IL5RA: variants seen among roughly 807,000 people sequenced by gnomAD.
The protein encoded by IL5RA is interleukin-5 receptor subunit alpha.
A neutral mutation model predicts 50.0 loss-of-function variants in IL5RA; 49 were observed. The observed-to-expected ratio is 0.98, with a 90% CI of 0.78 to 1.24. IL5RA has a LOEUF of 1.24. Among genes scored for constraint, IL5RA ranks in the 50% most tolerant of loss-of-function variants. The pLI is 0.00. For synonymous variants in IL5RA, 202 were observed against 174.0 expected, an observed-to-expected ratio of 1.16 and a Z score of -1.26; for missense variants, 600 against 500.4, an observed-to-expected ratio of 1.20 and a Z score of -1.90.
chr3:3,089,626 A>G (rs1208103327), intron 9 of IL5RA, among the ~76,000 whole-genome samples: 1 of 152,036 alleles, frequency 6.6e-6, no homozygotes, highest in Non-Finnish European at 1.5e-5. Context: ...CATAATCACA[A>G]AGGTTGGCTA....
rs79180298 is a variant in IL5RA, at chr3:3,085,936, A to T, written c.994+6288T>A. On this transcript the variant is annotated intron_variant, in intron 9 of 11. Coordinates refer to ENST00000446632, the MANE Select transcript of IL5RA (RefSeq NM_175726.4). Reference sequence around the variant, plus strand: ...TCTGCTGTGACCTCATGAATGAGTGATCTGAAAATTGCTGTGACCTCATGA... The same window carrying T: ...TCTGCTGTGACCTCATGAATGAGTGTTCTGAAAATTGCTGTGACCTCATGA... 2.0e-5 allele frequency among the ~76,000 whole-genome samples: 3 copies of T among 148,184 alleles called. No homozygotes were observed. The East Asian group carries it at 5.8e-4, about 29-fold the overall frequency.
At chr3:3,102,874 C>A in intron 3 of IL5RA, 54 bp from the exon 4 acceptor site, 2 of 1,501,334 alleles carry the variant, frequency 1.3e-6, no homozygotes, top group Non-Finnish European at 9.0e-7. Flanking sequence ...ACATAGGCAG[C>A]ACTTTTAAAA....
At chr3:3,087,643 G>GGGA (rs397772107) in intron 9 of IL5RA, among the ~76,000 whole-genome samples, 4 of 150,776 alleles carry the variant, frequency 2.7e-5, no homozygotes, top group Non-Finnish European at 4.4e-5. Context: ...TAATGGGGGG[G>GGGA]AAATTAATAA....
chr3:3,086,368 G>A (rs1264737304), intron 9 of IL5RA, among the ~76,000 whole-genome samples: 1 of 152,180 alleles, frequency 6.6e-6, no homozygotes, highest in Non-Finnish European at 1.5e-5. Flanking sequence ...GGAAACAAAA[G>A]GTTTCGATAA....
chr3:3,074,933 T>C, intron 10 of IL5RA, 67 bp from the exon 11 acceptor site: 9 of 968,384 alleles, frequency 9.3e-6, no homozygotes, highest in South Asian at 1.4e-5. Flanking sequence ...ATATCTACTC[T>C]AAAAATTGAC....
Position 3,092,266 on chromosome 3 carries a change from C to T in IL5RA, c.952G>A (p.Glu318Lys). 1 of 1,614,142 alleles carries T rather than the reference C, an allele frequency of 6.2e-7. No homozygotes were observed. The highest frequency in any genetic ancestry group is 8.5e-7 in the Non-Finnish European group (1 of 1,180,032). Residue 318 changes from glutamate to lysine, a missense_variant, in exon 9 of 12, where the codon GAG (glutamate) becomes AAG (lysine). Glu to Lys is a moderately conservative substitution (Grantham distance 56, BLOSUM62 1). Transcript: ENST00000446632. This position sits in a 1 kb window ranked among gnomAD's most constrained non-coding sequence, Gnocchi z 4.2. The stretch of plus-strand genomic sequence containing the variant: ...CTCCACTCACTCCAGAGCCCTGCCT[C>T]TCTGCACATGGAGCTCACTGCTGCT... ...VRAAVSSMCREAGLWSEWSQP... is the reference protein window; with the variant it reads ...VRAAVSSMCRKAGLWSEWSQP...
intron 5 of IL5RA, 147 bp from the exon 6 acceptor site, chr3:3,098,437 T>A: frequency 1.5e-6 from 1 of 688,258 alleles, no homozygotes; most frequent in Non-Finnish European, 2.4e-6. Flanking sequence ...AGACAGAGCC[T>A]CACTCTGTCA....
chr3:3,098,116 A>T, intron 6 of IL5RA, 21 bp downstream of exon 6: 1 of 1,614,036 alleles, frequency 6.2e-7, no homozygotes, highest in Non-Finnish European at 8.5e-7. Context: ...TTGCCTAAGT[A>T]AAAATAGGTA....
chr3:3,076,456 C>T, intron 10 of IL5RA, 75 bp downstream of exon 10: 1 of 924,776 alleles, frequency 1.1e-6, no homozygotes, highest in Non-Finnish European at 1.7e-6. Context: ...CCTCTGCCTA[C>T]CGGATGCATG....
Position 3,086,550 on chromosome 3 carries a change from TA to T in IL5RA, c.994+5673del, listed in dbSNP as rs538091863. 2.5e-4 allele frequency among the ~76,000 whole-genome samples: 36 copies of T among 145,096 alleles called. 1 individual carries two copies. The highest frequency in any genetic ancestry group is 3.6e-3 in the Middle Eastern group (1 of 280). ...TGATAAAATGAAACTGCTACTTCCA[TA>T]AAAAAAAAAATCCCAGCCCAGCTAT... On this transcript the variant is annotated intron_variant, in intron 9 of 11. Transcript: ENST00000446632.
At chr3:3,073,395 G>A (rs892006258) in intron 11 of IL5RA, among the ~76,000 whole-genome samples, 1 of 152,148 alleles carries the variant, frequency 6.6e-6, no homozygotes, top group African/African-American at 2.4e-5. Flanking sequence ...CTGGCTTGTT[G>A]CCTGTTTTGG....
intron 5 of IL5RA, among the ~76,000 whole-genome samples, chr3:3,101,199 A>G (rs929005243): frequency 6.7e-6 from 1 of 150,200 alleles, no homozygotes; most frequent in African/African-American, 2.5e-5. Flanking sequence ...AAAAAAAGTA[A>G]ATGAGAAGAT....
chr3:3,090,386 G>C, intron 9 of IL5RA: 1 of 680,050 alleles, frequency 1.5e-6, no homozygotes, highest in East Asian at 2.7e-5. Context: ...TATAGACCTA[G>C]TGCAACAGTT....
chr3:3,098,139 A>C lies in IL5RA; in HGVS notation c.519T>G (p.Tyr173Ter). Residue 173 changes from tyrosine to a stop codon, truncating the protein, a stop_gained and splice_region_variant, in exon 6 of 12, where the codon TAT becomes TAG. Transcript: ENST00000446632. LOFTEE classifies it high-confidence loss of function. ...APEDTQYFLY[Y>*]RYGSWTEECQ... ...GTAAAAATAGGTACAGTACTAACCT[A>C]TAGTAGAGAAAATACTGCGTGTCCT... 1 of 1,614,188 alleles carries C rather than the reference A, an allele frequency of 6.2e-7. No homozygotes were observed. The highest frequency in any genetic ancestry group is 8.5e-7 in the Non-Finnish European group (1 of 1,180,022).
At chr3:3,091,180 A>G (rs1703081628) in intron 9 of IL5RA, among the ~76,000 whole-genome samples, 1 of 152,116 alleles carries the variant, frequency 6.6e-6, no homozygotes. Flanking sequence ...ATTTTGTGGG[A>G]CCCTATAGAT....
At chr3:3,075,422 C>T (rs180844583) in intron 10 of IL5RA, among the ~76,000 whole-genome samples, 4 of 151,540 alleles carry the variant, frequency 2.6e-5, no homozygotes, top group Admixed American at 6.6e-5. Context: ...AGGCTGGTCT[C>T]GAACTCTTGA....
chr3:3,101,795 G>A lies in IL5RA; in HGVS notation c.264C>T (p.Thr88=). ...TTGCTGAAAAGCCTTTGTGGAGGAT[G>A]GTTACACATTTGCTTTCAGTGATTC... is the stretch of plus-strand genomic sequence containing the variant. ...ETRITESKCV[T]ILHKGFSASV... is the part of the protein sequence containing the mutation. Residue 88 remains threonine, a synonymous_variant, in exon 5 of 12, where the codon ACC becomes ACT. Transcript: ENST00000446632. The A allele has an allele frequency of 1.2e-6, 2 of 1,613,926 alleles. No homozygotes were observed. The highest frequency in any genetic ancestry group is 1.7e-6 in the Non-Finnish European group (2 of 1,179,900).
intron 5 of IL5RA, among the ~76,000 whole-genome samples, chr3:3,100,526 C>T (rs1368832509): frequency 6.6e-6 from 1 of 152,224 alleles, no homozygotes; most frequent in Admixed American, 6.5e-5. Context: ...CCCAAGTACA[C>T]TTTAGAGATC....
At chr3:3,103,531 C>T (rs1037454927) in intron 3 of IL5RA, among the ~76,000 whole-genome samples, 1 of 152,102 alleles carries the variant, frequency 6.6e-6, no homozygotes, top group Non-Finnish European at 1.5e-5. Context: ...AATGTATTTA[C>T]CTCTTATTAT....
Sources: gnomAD v4.1 joint callset for allele counts (sites outside exome capture counted in the v4.1 genomes callset) on GRCh38, gnomAD v4.1.1 for gene constraint, Gnocchi (gnomAD v3.1) non-coding constraint, MANE v1.5 for transcripts, NCBI Gene and HGNC (gene_info 2026-07-23, HGNC 2026-07-21) for gene names.